OSBPL6: variants seen among roughly 807,000 people sequenced by gnomAD.
The protein encoded by OSBPL6 is oxysterol binding protein like 6.
Under a neutral mutation model 125.8 loss-of-function variants are expected in OSBPL6, and 49 were observed. That is an observed-to-expected ratio of 0.39 (90% CI 0.31 to 0.49). OSBPL6 has a LOEUF of 0.49. OSBPL6 is among the 20% of genes least tolerant of loss of function. OSBPL6 has a pLI of 0.88. For missense variants in OSBPL6, 986 were observed against 1,135.4 expected, an observed-to-expected ratio of 0.87 and a Z score of 1.89; for synonymous variants, 394 against 391.8, an observed-to-expected ratio of 1.01 and a Z score of -0.07.
At chr2:178,321,068 T>C (rs1454375722) in intron 3 of OSBPL6, among the ~76,000 whole-genome samples, 1 of 152,132 alleles carries the variant, frequency 6.6e-6, no homozygotes, top group Non-Finnish European at 1.5e-5. Flanking sequence ...GGAGAATCTC[T>C]TGAACCCGGG....
chr2:178,310,412 CTTTTTTTTTTTT>C (rs71023440), intron 3 of OSBPL6, among the ~76,000 whole-genome samples: 2 of 85,690 alleles, frequency 2.3e-5, no homozygotes, highest in East Asian at 3.5e-4. Flanking sequence ...AAACTGAACT[CTTTTTTTTTTTT>C]TTTTTTTTTT....
intron 1 of OSBPL6, among the ~76,000 whole-genome samples, chr2:178,202,812 A>C (rs568276270): frequency 4.5e-4 from 66 of 148,208 alleles, no homozygotes; most frequent in African/African-American, 1.5e-3. Context: ...ACAGAGTGAG[A>C]CTGTCTCAAA....
chr2:178,307,495 C>T (rs539285388), intron 3 of OSBPL6, among the ~76,000 whole-genome samples: 4 of 152,186 alleles, frequency 2.6e-5, no homozygotes, highest in South Asian at 4.1e-4. Context: ...CACCTATATT[C>T]GGTTCTTTAG....
chr2:178,320,495 AT>A, intron 3 of OSBPL6: 3 of 1,303,164 alleles, frequency 2.3e-6, no homozygotes, highest in Non-Finnish European at 2.2e-6. Context: ...AGGAAACTTG[AT>A]TTTAGAAGAA....
At chr2:178,341,320 C>A (rs901057909) in intron 11 of OSBPL6, among the ~76,000 whole-genome samples, 1 of 150,568 alleles carries the variant, frequency 6.6e-6, no homozygotes, top group East Asian at 1.9e-4. Flanking sequence ...CCACTAGAGA[C>A]CCCCAAATCA....
In OSBPL6 at chr2:178,349,274, C is replaced by T; in HGVS notation, c.1038C>T (p.Pro346=). Residue 346 remains proline, a synonymous_variant, in exon 12 of 25, where the codon CCC becomes CCT. Coordinates refer to ENST00000190611, the MANE Select transcript of OSBPL6 (RefSeq NM_032523.4). ...CAGTTCGCTTGCATTCCTCCAACCC[C>T]AACCTTTGTGCAGATATTGAATTTC... ...MSPVRLHSSN[P]NLCADIEFQT... is the part of the protein sequence containing the mutation. 1 of 1,614,130 alleles carries T rather than the reference C, an allele frequency of 6.2e-7. No individual in the cohort carries two copies. Among genetic ancestry groups the T allele is most frequent in the Non-Finnish European group, 8.5e-7 (1 of 1,179,984 alleles).
At chr2:178,370,865 C>G (rs951758689) in intron 13 of OSBPL6, among the ~76,000 whole-genome samples, 1 of 152,108 alleles carries the variant, frequency 6.6e-6, no homozygotes. Context: ...AAAGCAAAAA[C>G]TGGGTTGAGG....
intron 2 of OSBPL6, among the ~76,000 whole-genome samples, chr2:178,302,582 C>T (rs1187938200): frequency 6.6e-6 from 1 of 152,044 alleles, no homozygotes; most frequent in Non-Finnish European, 1.5e-5. Context: ...ACTTGAAACC[C>T]TTTCTGTTAA....
chr2:178,224,128 G>A (rs1402379059), intron 1 of OSBPL6, among the ~76,000 whole-genome samples: 2 of 152,144 alleles, frequency 1.3e-5, no homozygotes, highest in Non-Finnish European at 2.9e-5. Context: ...GGGAAGTGAG[G>A]GGATGCCATG....
intron 1 of OSBPL6, among the ~76,000 whole-genome samples, chr2:178,259,169 AC>A (rs1229940053): frequency 6.6e-6 from 1 of 152,258 alleles, no homozygotes; most frequent in African/African-American, 2.4e-5. Context: ...GGCTAATATA[AC>A]AGATGCTTCT....
At position 178,391,130 on chromosome 2, in the gene OSBPL6, G is replaced by A. The variant is rs1300715156; in HGVS notation, c.2359G>A (p.Gly787Arg). The change falls in exon 22 of 25, where the codon GGG (glycine) becomes AGG (arginine). Residue 787 changes from glycine to arginine, a missense_variant. Gly to Arg is a moderately radical substitution (Grantham distance 125). Coordinates refer to ENST00000190611, the MANE Select transcript of OSBPL6 (RefSeq NM_032523.4). ...EVQGVVIDQE[G>R]KAVYRLFGKW... The stretch of plus-strand genomic sequence containing the variant: ...CCAGGGGGTGGTGATAGATCAGGAG[G>A]GGAAGGCGGTGTACCGGCTGTTTGG... The A allele has an allele frequency of 6.2e-7, 1 of 1,613,940 alleles. No individual in the cohort carries two copies. The highest frequency in any genetic ancestry group is 1.7e-5 in the Admixed American group (1 of 59,964).
intron 5 of OSBPL6, 116 bp downstream of exon 5, chr2:178,328,494 A>G (rs779543795): frequency 7.8e-5 from 105 of 1,338,448 alleles, no homozygotes; most frequent in Non-Finnish European, 9.3e-5. Flanking sequence ...TAGCTTTTTA[A>G]AACTTTTTTT....
At chr2:178,267,168 A>G (rs6736503) in intron 1 of OSBPL6, among the ~76,000 whole-genome samples, 3,084 of 152,228 alleles carry the variant, frequency 0.02, 98 homozygotes, top group African/African-American at 0.07. Flanking sequence ...AGCCTAGCCA[A>G]CATGGGGAAA....
chr2:178,211,889 A>G (rs899032828), intron 1 of OSBPL6, among the ~76,000 whole-genome samples: 5 of 152,192 alleles, frequency 3.3e-5, no homozygotes, highest in African/African-American at 9.7e-5. Context: ...GGCTTCCCAC[A>G]TGGCCTGGAC....
At chr2:178,210,826 AC>A (rs1559119488) in intron 1 of OSBPL6, among the ~76,000 whole-genome samples, 8,068 of 78,310 alleles carry the variant, frequency 0.1, 290 homozygotes, top group Middle Eastern at 0.23. Context: ...AAAAAAAAAC[AC>A]ACACACACAC....
chr2:178,337,354 C>A (rs1331520083), intron 9 of OSBPL6, among the ~76,000 whole-genome samples: 2 of 152,092 alleles, frequency 1.3e-5, no homozygotes, highest in Non-Finnish European at 2.9e-5. Context: ...AGTCCTCCAA[C>A]CAAAAGAATT....
In OSBPL6 at chr2:178,351,196, C is replaced by A. The variant is rs188800686; in HGVS notation, c.1153+1807C>A. 5.7e-4 allele frequency among the ~76,000 whole-genome samples: 86 copies of A among 152,070 alleles called. No homozygotes were observed. The East Asian group carries it at 0.016, about 28-fold the overall frequency. ...TAAGATCTGGTACAAGGCAAGGTGGCCCACTCCTCCTGCTTCTGTTCAACA... is the reference window on the plus strand; with the variant it reads ...TAAGATCTGGTACAAGGCAAGGTGGACCACTCCTCCTGCTTCTGTTCAACA... On this transcript the variant is annotated intron_variant, in intron 12 of 24. Coordinates refer to ENST00000190611, the MANE Select transcript of OSBPL6 (RefSeq NM_032523.4).
chr2:178,324,166 T>C lies in OSBPL6; in HGVS notation c.103-11T>C. On this transcript the variant is annotated splice_polypyrimidine_tract_variant and intron_variant, in intron 3 of 24. Coordinates refer to ENST00000190611, the MANE Select transcript of OSBPL6 (RefSeq NM_032523.4). ...TGTCTAACCCTGGGCTATGTTTTCATTTATTTTCAGAGTATTCACATACTG... is the reference window on the plus strand; with the variant it reads ...TGTCTAACCCTGGGCTATGTTTTCACTTATTTTCAGAGTATTCACATACTG... 6.7e-7 allele frequency: 1 copy of C among 1,499,442 alleles called. No individual in the cohort carries two copies. Among genetic ancestry groups the C allele is most frequent in the Non-Finnish European group, 9.1e-7 (1 of 1,099,256 alleles). 92.9% of individuals were successfully genotyped at this position (1,499,442 alleles called of 1,614,324 possible).
Position 178,201,463 on chromosome 2 carries a change from G to T in OSBPL6, c.-351+6789G>T, listed in dbSNP as rs530155153. 7.2e-5 allele frequency among the ~76,000 whole-genome samples: 11 copies of T among 152,302 alleles called. No homozygotes were observed. In the South Asian group the frequency reaches 2.3e-3, roughly 32 times the overall value. The stretch of plus-strand genomic sequence containing the variant: ...GTGGCTATTCACAGACATGATCATG[G>T]TGCACTACAGCCTCCAGCTGCTGGC... On this transcript the variant is annotated intron_variant, in intron 1 of 24. Transcript: ENST00000190611.
Sources: allele counts gnomAD v4.1 joint callset (sites outside exome capture counted in the v4.1 genomes callset), GRCh38; gene constraint gnomAD v4.1.1; transcripts MANE v1.5; gene names NCBI Gene and HGNC (gene_info 2026-07-23, HGNC 2026-07-21).